Variants in SFMBT2 observed in about 807,000 individuals in gnomAD.
SFMBT2 encodes the protein scm-like with four MBT domains protein 2.
Under a neutral mutation model 110.1 loss-of-function variants are expected in SFMBT2, and 38 were observed. The observed-to-expected ratio is 0.35, with a 90% CI of 0.27 to 0.45. The LOEUF is 0.45. Among genes scored for constraint, SFMBT2 ranks in the 20% least tolerant of loss-of-function variants. SFMBT2 has a pLI of 1.00. For synonymous variants in SFMBT2, 425 were observed against 425.4 expected (o/e 1.00, Z 0.01); for missense variants, 1,011 against 1,094.9 (o/e 0.92, Z 1.08).
At chr10:7,286,311 C>T (rs1456643151) in intron 4 of SFMBT2, 3 of 557,424 alleles carry the variant, frequency 5.4e-6, no homozygotes, top group Non-Finnish European at 6.8e-6. Context: ...CAGAGAAAGG[C>T]TTTCCAGGTG....
chr10:7,235,591 C>T (rs1417226497), intron 9 of SFMBT2, among the ~76,000 whole-genome samples: 1 of 151,562 alleles, frequency 6.6e-6, no homozygotes, highest in Admixed American at 6.6e-5. Context: ...ACAGACGTAC[C>T]ACACATACAC....
At chr10:7,279,032 C>A (rs1280666348) in intron 6 of SFMBT2, among the ~76,000 whole-genome samples, 2 of 150,302 alleles carry the variant, frequency 1.3e-5, no homozygotes, top group African/African-American at 2.4e-5. Context: ...ACCCTGGAGG[C>A]GGAGGTTGCA....
chr10:7,353,493 G>GAAA (rs34329600), intron 4 of SFMBT2, among the ~76,000 whole-genome samples: 6 of 140,628 alleles, frequency 4.3e-5, no homozygotes, highest in African/African-American at 5.3e-5. Flanking sequence ...AAATCATAAA[G>GAAA]AAAAAAAAAA....
intron 9 of SFMBT2, among the ~76,000 whole-genome samples, chr10:7,242,287 G>A (rs895887475): frequency 1.3e-5 from 2 of 152,200 alleles, no homozygotes; most frequent in Non-Finnish European, 2.9e-5. Context: ...AAGCAGTGAT[G>A]TGGCTCAGGG....
Position 7,214,833 on chromosome 10 carries a change from T to C in SFMBT2, c.1330+5578A>G, listed in dbSNP as rs986452055. On this transcript the variant is annotated intron_variant, in intron 11 of 20. Coordinates refer to ENST00000397167, the MANE Select transcript of SFMBT2 (RefSeq NM_001387889.1). ...ACAAAAACACTAACTGCAGATTCCA[T>C]GCCTGTTTTAATTTATAACAGGGCT... The C allele has an allele frequency of 6.0e-5, 52 of 869,540 alleles. 1 individual carries two copies. The highest frequency in any genetic ancestry group is 1.1e-4 in the South Asian group (2 of 18,994). The allele number at this position is 869,540 out of a possible 1,614,324, so 53.9% of individuals were successfully genotyped here.
chr10:7,295,806 T>C (rs992445618), intron 4 of SFMBT2, among the ~76,000 whole-genome samples: 6 of 152,224 alleles, frequency 3.9e-5, no homozygotes, highest in African/African-American at 1.4e-4. Context: ...TGGAGTTCTC[T>C]GCTGTATGAT....
At chr10:7,275,538 G>T (rs879379447) in intron 7 of SFMBT2, among the ~76,000 whole-genome samples, 3 of 152,050 alleles carry the variant, frequency 2.0e-5, no homozygotes, top group African/African-American at 7.2e-5. Context: ...AGAAAGATTT[G>T]GTCAGTGAGG....
intron 16 of SFMBT2, among the ~76,000 whole-genome samples, chr10:7,186,872 G>C (rs1838430962): frequency 6.6e-6 from 1 of 152,222 alleles, no homozygotes; most frequent in Non-Finnish European, 1.5e-5. Flanking sequence ...TTGAGACGCT[G>C]CTATGATCTC....
At chr10:7,202,597 A>G in intron 12 of SFMBT2, 75 bp from the exon 13 acceptor site, 1 of 1,610,624 alleles carries the variant, frequency 6.2e-7, no homozygotes, top group Non-Finnish European at 8.5e-7. Context: ...AATAGGTTAT[A>G]AAGCAAAGAG....
At chr10:7,232,214 G>A (rs536418128) in intron 9 of SFMBT2, among the ~76,000 whole-genome samples, 1 of 151,986 alleles carries the variant, frequency 6.6e-6, no homozygotes, top group African/African-American at 2.4e-5. Context: ...ATTTCCCTCG[G>A]ATACAAACTA....
intron 8 of SFMBT2, among the ~76,000 whole-genome samples, chr10:7,246,902 G>T (rs933352494): frequency 6.6e-6 from 1 of 151,990 alleles, no homozygotes; most frequent in Non-Finnish European, 1.5e-5. Flanking sequence ...GGGAATTCTG[G>T]CTGGGATTCA....
At chr10:7,166,135 T>A (rs557285669) in intron 20 of SFMBT2, among the ~76,000 whole-genome samples, 43 of 152,388 alleles carry the variant, frequency 2.8e-4, no homozygotes, top group Admixed American at 8.5e-4. Flanking sequence ...TTAACCATTA[T>A]GTTCAATGAC....
intron 11 of SFMBT2, chr10:7,215,658 A>G (rs1325522719): frequency 1.0e-6 from 1 of 985,284 alleles, no homozygotes; most frequent in Non-Finnish European, 1.2e-6. Flanking sequence ...GGCAGCACAG[A>G]ACCCTGCAGG....
intron 7 of SFMBT2, among the ~76,000 whole-genome samples, chr10:7,268,370 CA>C (rs1213304317): frequency 5.3e-5 from 8 of 152,084 alleles, no homozygotes; most frequent in African/African-American, 1.9e-4. Context: ...TAGTCCTTCG[CA>C]AAAGACAAAA....
intron 9 of SFMBT2, among the ~76,000 whole-genome samples, chr10:7,235,567 C>T (rs1840227774): frequency 6.6e-6 from 1 of 151,464 alleles, no homozygotes; most frequent in Admixed American, 6.6e-5. Flanking sequence ...CACACACATA[C>T]AGACACATAC....
At position 7,367,327 on chromosome 10, in the gene SFMBT2, CA is replaced by C. The variant is rs1164474791; in HGVS notation, c.436+321del. Among the ~76,000 whole-genome samples the C allele has an allele frequency of 0.017, 2,617 of 151,308 alleles. 69 individuals are homozygous for C. Among genetic ancestry groups the C allele is most frequent in the African/African-American group, 0.05 (2,064 of 41,114 alleles). On this transcript the variant is annotated intron_variant, in intron 4 of 20. Transcript: ENST00000397167. The surrounding 1 kb of genome is among the most constrained non-coding windows in gnomAD (Gnocchi z 6.2). Reference sequence around the variant, plus strand: ...TACCCTCCAATTCCTGATGTCCTTTCAGCCTTCCTTTCTTACCCTCCAATTC... The same window carrying C: ...TACCCTCCAATTCCTGATGTCCTTTCGCCTTCCTTTCTTACCCTCCAATTC...
At chr10:7,169,161 T>C (rs1837794272) in intron 20 of SFMBT2, among the ~76,000 whole-genome samples, 1 of 152,082 alleles carries the variant, frequency 6.6e-6, no homozygotes, top group African/African-American at 2.4e-5. Context: ...AGACAGGGTT[T>C]TGCCACGTTG....
chr10:7,193,218 AAC>A (rs1681834209), intron 15 of SFMBT2, among the ~76,000 whole-genome samples: 1 of 152,184 alleles, frequency 6.6e-6, no homozygotes, highest in Non-Finnish European at 1.5e-5. Flanking sequence ...CTGCCGAGCA[AAC>A]ACAAGTGGAG....
chr10:7,395,425 T>C (rs905582872), intron 1 of SFMBT2, among the ~76,000 whole-genome samples: 4 of 152,274 alleles, frequency 2.6e-5, no homozygotes, highest in African/African-American at 9.6e-5. Context: ...AATCTCACAA[T>C]AATGTGCCTG....
Sources: gnomAD v4.1 joint callset for allele counts (sites outside exome capture counted in the v4.1 genomes callset) on GRCh38, gnomAD v4.1.1 for gene constraint, Gnocchi (gnomAD v3.1) non-coding constraint, MANE v1.5 for transcripts, NCBI Gene and HGNC (gene_info 2026-07-23, HGNC 2026-07-21) for gene names.